SGCD: variants seen among roughly 807,000 people sequenced by gnomAD.
SGCD encodes the protein sarcoglycan delta.
In SGCD, 18 loss-of-function variants were observed where a neutral mutation model predicts 36.6. That is an observed-to-expected ratio of 0.49 (90% confidence interval 0.34 to 0.73). The LOEUF is 0.73. Ranked by LOEUF, SGCD falls within the 30% of genes least tolerant of loss-of-function variation. The probability of loss-of-function intolerance (pLI) is 0.01; values close to 1 mark genes in which losing one functional copy is unlikely to be tolerated. For missense variants in SGCD, 387 were observed against 346.7 expected, an observed-to-expected ratio of 1.12 and a Z score of -0.92; for synonymous variants, 133 against 130.6, an observed-to-expected ratio of 1.02 and a Z score of -0.12.
intron 4 of SGCD, among the ~76,000 whole-genome samples, chr5:156,547,441 C>T (rs934651514): frequency 2.3e-3 from 337 of 145,260 alleles, no homozygotes; most frequent in African/African-American, 8.4e-3. Context: ...GATAATATGA[C>T]TTTTTTTTTT....
chr5:156,153,185 C>T (rs920010894), intron 3 of SGCD, among the ~76,000 whole-genome samples: 2 of 151,392 alleles, frequency 1.3e-5, no homozygotes, highest in African/African-American at 4.9e-5. Flanking sequence ...ATGTTGCAAA[C>T]CTGTCACAGA....
At chr5:156,344,931 C>G (rs1397079944) in intron 3 of SGCD, among the ~76,000 whole-genome samples, 1 of 152,160 alleles carries the variant, frequency 6.6e-6, no homozygotes, top group African/African-American at 2.4e-5. Flanking sequence ...TGTTATCCCT[C>G]CATTTTGATA....
chr5:156,619,658 G>A (rs1407228058), intron 6 of SGCD, among the ~76,000 whole-genome samples: 1 of 152,108 alleles, frequency 6.6e-6, no homozygotes, highest in Admixed American at 6.5e-5. Context: ...TCCAGCAGAG[G>A]CCAAGGGGAA....
intron 3 of SGCD, among the ~76,000 whole-genome samples, chr5:156,366,120 G>A (rs568963873): frequency 6.6e-6 from 1 of 152,342 alleles, no homozygotes; most frequent in Admixed American, 6.5e-5. Flanking sequence ...CATTCAGTCA[G>A]TGCCCCCATG....
the SGCD span, among the ~76,000 whole-genome samples, chr5:155,733,499 G>T: frequency 2.6e-5 from 4 of 152,238 alleles, no homozygotes; most frequent in East Asian, 7.7e-4. Flanking sequence ...TTCAAGGGTG[G>T]TAATTGAGCC....
intron 1 of SGCD, among the ~76,000 whole-genome samples, chr5:155,915,524 C>G (rs1561648691): frequency 6.6e-6 from 1 of 152,096 alleles, no homozygotes; most frequent in Non-Finnish European, 1.5e-5. Flanking sequence ...TCCATAAAAT[C>G]AAAATTAATC....
chr5:156,376,222 C>T (rs1005988909), intron 3 of SGCD, among the ~76,000 whole-genome samples: 1 of 152,210 alleles, frequency 6.6e-6, no homozygotes, highest in Non-Finnish European at 1.5e-5. Context: ...AATGGCTCCC[C>T]ATATCATCTT....
chr5:155,850,574 C>A, the SGCD span, among the ~76,000 whole-genome samples: 1 of 152,022 alleles, frequency 6.6e-6, no homozygotes, highest in Non-Finnish European at 1.5e-5. Context: ...CAAAGGAGAC[C>A]GTACTGCCGA....
chr5:156,539,236 A>G, intron 4 of SGCD, among the ~76,000 whole-genome samples: 1 of 152,002 alleles, frequency 6.6e-6, no homozygotes, highest in Non-Finnish European at 1.5e-5. Context: ...ACACACACAC[A>G]TACACACAAA....
intron 1 of SGCD, among the ~76,000 whole-genome samples, chr5:155,974,135 T>C (rs542513931): frequency 6.6e-6 from 1 of 152,254 alleles, no homozygotes; most frequent in Admixed American, 6.5e-5. Context: ...CATCTGAATA[T>C]TTTTCAAGCA....
At chr5:156,143,835 C>A (rs1762636463) in intron 3 of SGCD, among the ~76,000 whole-genome samples, 1 of 151,446 alleles carries the variant, frequency 6.6e-6, no homozygotes, top group Non-Finnish European at 1.5e-5. Context: ...GTGCTGCACC[C>A]ATTAACTCAT....
At chr5:156,678,640 C>T (rs1475541187) in intron 7 of SGCD, among the ~76,000 whole-genome samples, 1 of 152,150 alleles carries the variant, frequency 6.6e-6, no homozygotes, top group African/African-American at 2.4e-5. Context: ...ATTATTATTT[C>T]TTCAGTGAAT....
At chr5:155,932,367 A>G (rs1292643621) in intron 1 of SGCD, among the ~76,000 whole-genome samples, 1 of 152,104 alleles carries the variant, frequency 6.6e-6, no homozygotes, top group African/African-American at 2.4e-5. Context: ...AGCAAGCTTG[A>G]CTCTGGACAT....
chr5:155,758,051 C>T, the SGCD span, among the ~76,000 whole-genome samples: 3 of 152,066 alleles, frequency 2.0e-5, no homozygotes, highest in South Asian at 6.2e-4. Flanking sequence ...CTCCATTAAA[C>T]CTCTTTCCTG....
chr5:156,471,911 T>C (rs1030252109), intron 3 of SGCD, among the ~76,000 whole-genome samples: 13 of 147,922 alleles, frequency 8.8e-5, no homozygotes, highest in Admixed American at 6.6e-4. Context: ...AAATGATTTG[T>C]ATAATCAAGA....
Position 156,244,818 on chromosome 5 carries a change from A to C in SGCD, c.-43-84716A>C, listed in dbSNP as rs1452333213. On this transcript the variant is annotated intron_variant, in intron 3 of 9. Transcript: ENST00000517913. The stretch of plus-strand genomic sequence containing the variant: ...TTTAAACTATAACAGAACTTCAGTC[A>C]TCAGCATAGAGAGTGGTGTCATAGA... 3.3e-5 allele frequency among the ~76,000 whole-genome samples: 5 copies of C among 152,330 alleles called. No individual in the cohort carries two copies. The East Asian group carries it at 9.6e-4, about 29-fold the overall frequency.
chr5:156,042,072 A>G (rs528797403), intron 1 of SGCD, among the ~76,000 whole-genome samples: 1 of 152,294 alleles, frequency 6.6e-6, no homozygotes, highest in East Asian at 1.9e-4. Flanking sequence ...TGCAACTACT[A>G]TAATGATTCT....
In SGCD at chr5:155,886,505, C is replaced by T. The variant is rs184859276; in HGVS notation, c.-282+16081C>T. ...ATGTGTGTGTGTGTGCGCGCACGCG[C>T]GCGTGCGTGTGTGTGTGCGTGGGCG... On this transcript the variant is annotated intron_variant, in intron 1 of 9. Transcript: ENST00000517913. Among the ~76,000 whole-genome samples the T allele has an allele frequency of 1.6e-3, 241 of 150,642 alleles. 1 individual carries two copies. Among genetic ancestry groups the T allele is most frequent in the Non-Finnish European group, 2.0e-3 (134 of 67,818 alleles).
At chr5:156,213,362 C>T (rs953620019) in intron 3 of SGCD, among the ~76,000 whole-genome samples, 11 of 151,768 alleles carry the variant, frequency 7.2e-5, no homozygotes, top group Admixed American at 1.3e-4. Flanking sequence ...AATTGGGCAA[C>T]GTGGAAGAAA....
Sources: gnomAD v4.1 joint callset for allele counts (sites outside exome capture counted in the v4.1 genomes callset) on GRCh38, gnomAD v4.1.1 for gene constraint, MANE v1.5 for transcripts, NCBI Gene and HGNC (gene_info 2026-07-23, HGNC 2026-07-21) for gene names.